Variants in EFCAB3 observed in about 807,000 individuals in gnomAD.
The protein encoded by EFCAB3 is EF-hand calcium binding domain 3.
EFCAB3 carries 36 observed loss-of-function variants against 42.2 expected under a neutral mutation model. The observed-to-expected ratio is 0.85, with a 90% confidence interval of 0.65 to 1.13. EFCAB3 has a LOEUF of 1.13. EFCAB3 is among the 50% of genes most tolerant of loss of function. The pLI is 0.00. For synonymous variants in EFCAB3, 170 were observed against 172.8 expected (o/e 0.98, Z 0.13); for missense variants, 418 against 505.1 (o/e 0.83, Z 1.65).
rs2070521415 is a variant in EFCAB3, at chr17:62,413,841, C to T, written c.977C>T (p.Ala326Val). Residue 326 changes from alanine (A) to valine (V), a missense_variant, in exon 9 of 10, where the codon GCT (alanine) becomes GTT (valine). Ala to Val is a moderately conservative substitution (Grantham distance 64). Transcript: ENST00000305286. Reference protein sequence around the residue: ...KQTCTVADATAIKQHVKRATD... With the variant: ...KQTCTVADATVIKQHVKRATD... Reference sequence around the variant, plus strand: ...ACTTGTACAGTGGCCGATGCAACTGCTATTAAACAACATGTGAGTATTCCT... The same window carrying T: ...ACTTGTACAGTGGCCGATGCAACTGTTATTAAACAACATGTGAGTATTCCT... 1 of 1,610,144 alleles carries T rather than the reference C, an allele frequency of 6.2e-7. No individual in the cohort carries two copies. The highest frequency in any genetic ancestry group is 8.5e-7 in the Non-Finnish European group (1 of 1,178,648).
At chr17:62,394,934 G>C (rs770041135) in intron 5 of EFCAB3, 134 bp from the exon 6 acceptor site, 5 of 1,217,078 alleles carry the variant, frequency 4.1e-6, no homozygotes, top group Non-Finnish European at 5.6e-6. Context: ...CTACCAAATA[G>C]AACAGACTTT....
chr17:62,403,427 C>T (rs561427050), intron 6 of EFCAB3, among the ~76,000 whole-genome samples: 1 of 152,332 alleles, frequency 6.6e-6, no homozygotes, highest in East Asian at 1.9e-4. Context: ...TCTCCATCCA[C>T]TTTCCACACT....
At chr17:62,411,338 G>A (rs548375022) in intron 8 of EFCAB3, among the ~76,000 whole-genome samples, 1 of 152,192 alleles carries the variant, frequency 6.6e-6, no homozygotes, top group South Asian at 2.1e-4. Flanking sequence ...AGTATTTTTA[G>A]GAATGACTGA....
At position 62,382,970 on chromosome 17, in the gene EFCAB3, C is replaced by T. The variant is rs12150166; in HGVS notation, c.-10C>T. On this transcript the variant is annotated 5_prime_UTR_variant, in exon 2 of 10. Coordinates refer to ENST00000305286, the MANE Select transcript of EFCAB3 (RefSeq NM_173503.4). Reference sequence around the variant, plus strand: ...GTATATTCTGAATTCCAGACAGAGTCACTGGCCACATGGCAGTTTCAGAAA... The same window carrying T: ...GTATATTCTGAATTCCAGACAGAGTTACTGGCCACATGGCAGTTTCAGAAA... 77 of 1,612,484 alleles carry T rather than the reference C, an allele frequency of 4.8e-5. No homozygotes were observed. The highest frequency in any genetic ancestry group is 5.7e-5 in the Non-Finnish European group (67 of 1,179,540).
At chr17:62,408,018 A>T (rs986559388) in intron 8 of EFCAB3, among the ~76,000 whole-genome samples, 1 of 152,212 alleles carries the variant, frequency 6.6e-6, no homozygotes, top group Non-Finnish European at 1.5e-5. Flanking sequence ...AAATGAAGTA[A>T]CACCCACAGG....
intron 3 of EFCAB3, among the ~76,000 whole-genome samples, chr17:62,388,137 G>A (rs1482158555): frequency 6.6e-6 from 1 of 152,138 alleles, no homozygotes; most frequent in East Asian, 1.9e-4. Flanking sequence ...CTTGAACCCA[G>A]GAAGCGGAGG....
At chr17:62,407,674 C>T (rs2070460232) in intron 8 of EFCAB3, among the ~76,000 whole-genome samples, 1 of 152,186 alleles carries the variant, frequency 6.6e-6, no homozygotes, top group Non-Finnish European at 1.5e-5. Flanking sequence ...TCTGGCCTTG[C>T]TTCAAGTTCT....
chr17:62,411,549 G>A (rs370286064), intron 8 of EFCAB3, among the ~76,000 whole-genome samples: 9 of 151,784 alleles, frequency 5.9e-5, no homozygotes, highest in Non-Finnish European at 8.8e-5. Flanking sequence ...CAGGTGGATC[G>A]CCTGAGGTCA....
intron 6 of EFCAB3, 45 bp from the exon 7 acceptor site, chr17:62,406,435 C>T (rs1405083752): frequency 9.4e-6 from 14 of 1,482,186 alleles, no homozygotes; most frequent in Non-Finnish European, 1.2e-5. Context: ...AATTTTTGTC[C>T]TATGTCTCTT....
At chr17:62,377,249 C>G (rs1404782689), upstream of EFCAB3, among the ~76,000 whole-genome samples, 1 of 152,160 alleles carries the variant, frequency 6.6e-6, no homozygotes. Context: ...GATCACCAAG[C>G]ATTTTCCATG....
At position 62,395,132 on chromosome 17, in the gene EFCAB3, A is replaced by G. The variant is rs1463862155; in HGVS notation, c.432A>G (p.Leu144=). ...CAGGAATCCTATTGTTTGAAATCCT[A>G]TCAAGGCTTCTAGAGACTTCAGCCC... ...GNPGILLFEI[L]SRLLETSALP... is the part of the protein sequence containing the mutation. The change falls in exon 6 of 10, where the codon CTA becomes CTG. Residue 144 remains leucine, a synonymous_variant. Transcript: ENST00000305286. 6 of 1,614,008 alleles carry G rather than the reference A, an allele frequency of 3.7e-6. No individual in the cohort carries two copies. The highest frequency in any genetic ancestry group is 1.6e-4 in the Middle Eastern group (1 of 6,084).
chr17:62,391,747 G>A (rs2070304332), intron 3 of EFCAB3, 75 bp from the exon 4 acceptor site: 1 of 1,425,376 alleles, frequency 7.0e-7, no homozygotes. Flanking sequence ...CAACTATATT[G>A]TCTGTCCTAG....
chr17:62,408,225 C>T (rs1388312634), intron 8 of EFCAB3, among the ~76,000 whole-genome samples: 1 of 152,092 alleles, frequency 6.6e-6, no homozygotes, highest in East Asian at 1.9e-4. Flanking sequence ...GAATTTGGCC[C>T]ACAGGTAACT....
chr17:62,374,711 C>T (rs1247956332), intron 2 of EFCAB3, among the ~76,000 whole-genome samples: 1 of 152,170 alleles, frequency 6.6e-6, no homozygotes, highest in Admixed American at 6.5e-5. Context: ...CAACCTCAAT[C>T]TTGAGTTCAT....
intron 1 of EFCAB3, chr17:62,370,468 A>T: frequency 2.7e-6 from 2 of 739,816 alleles, no homozygotes; most frequent in South Asian, 3.4e-5. Context: ...TAGCCTGATC[A>T]GCACAGTGGA....
upstream of EFCAB3, among the ~76,000 whole-genome samples, chr17:62,375,929 ATTCT>A (rs2070146660): frequency 6.6e-6 from 1 of 151,140 alleles, no homozygotes; most frequent in African/African-American, 2.4e-5. Flanking sequence ...TTCTAGTGCT[ATTCT>A]TTCTTTTTCT....
chr17:62,377,522 G>A (rs1019919186), upstream of EFCAB3, among the ~76,000 whole-genome samples: 2 of 152,116 alleles, frequency 1.3e-5, no homozygotes, highest in African/African-American at 4.8e-5. Context: ...TGGGGTGAAG[G>A]GAGATTTTGC....
intron 6 of EFCAB3, chr17:62,398,271 T>C (rs1470780799): frequency 1.2e-5 from 2 of 160,638 alleles, no homozygotes; most frequent in African/African-American, 4.8e-5. Flanking sequence ...CTGGCCAACA[T>C]GGTGAAACCC....
chr17:62,390,021 C>T (rs9904727), intron 3 of EFCAB3, among the ~76,000 whole-genome samples: 5,066 of 151,936 alleles, frequency 0.033, 283 homozygotes, highest in African/African-American at 0.12. Flanking sequence ...CTCCTGACCT[C>T]GTGATCCACC....
Sources: allele counts gnomAD v4.1 joint callset (sites outside exome capture counted in the v4.1 genomes callset), GRCh38; gene constraint gnomAD v4.1.1; transcripts MANE v1.5; gene names NCBI Gene and HGNC (gene_info 2026-07-23, HGNC 2026-07-21).